ACCSL: variants seen among roughly 807,000 people sequenced by gnomAD.
The protein encoded by ACCSL is probable inactive 1-aminocyclopropane-1-carboxylate synthase-like protein 2.
A neutral mutation model predicts 61.7 loss-of-function variants in ACCSL; 55 were observed. The ratio of observed to expected loss-of-function variants is 0.89; its 90% confidence interval spans 0.72 to 1.12. The LOEUF (loss-of-function observed/expected upper bound fraction) is 1.12, where lower values mean the gene tolerates loss of function less well. Among genes scored for constraint, ACCSL ranks in the 50% most tolerant of loss-of-function variants. The probability of loss-of-function intolerance (pLI) is 0.00; values close to 1 mark genes in which losing one functional copy is unlikely to be tolerated. For synonymous variants in ACCSL, 258 were observed against 264.3 expected (o/e 0.98, Z 0.23); for missense variants, 632 against 698.0 (o/e 0.91, Z 1.07).
chr11:43,924,288 C>T, the ACCSL span, among the ~76,000 whole-genome samples: 1 of 152,232 alleles, frequency 6.6e-6, no homozygotes, highest in Admixed American at 6.5e-5. Context: ...GAGGGCTAGC[C>T]CAGCCGTGCC....
the ACCSL span, among the ~76,000 whole-genome samples, chr11:43,996,664 T>C: frequency 6.6e-6 from 1 of 152,054 alleles, no homozygotes; most frequent in Non-Finnish European, 1.5e-5. Context: ...GCAGGTTCTC[T>C]CTCCCAGAGG....
At chr11:44,014,813 T>C in the ACCSL span, among the ~76,000 whole-genome samples, 1 of 152,140 alleles carries the variant, frequency 6.6e-6, no homozygotes, top group Non-Finnish European at 1.5e-5. Context: ...AGAGGCACCG[T>C]GGAGAGACAC....
chr11:44,038,667 T>C, the ACCSL span, among the ~76,000 whole-genome samples: 1 of 151,750 alleles, frequency 6.6e-6, no homozygotes, highest in Non-Finnish European at 1.5e-5. Flanking sequence ...GGGAGCTAGA[T>C]GTGACTGATT....
chr11:44,058,710 C>G lies in ACCSL; in HGVS notation c.1624+11C>G, dbSNP rs1327170222. ...CCCGGCTAAAATTGGGTGAGTGGAG[C>G]TGACCTCCCAATCCTTTAAAGACGC... On this transcript the variant is annotated intron_variant, in intron 13 of 13. Transcript: ENST00000378832. 2 of 1,604,584 alleles carry G rather than the reference C, an allele frequency of 1.2e-6. No individual in the cohort carries two copies. Among genetic ancestry groups the G allele is most frequent in the East Asian group, 4.5e-5 (2 of 44,690 alleles).
At chr11:43,962,736 A>G in the ACCSL span, among the ~76,000 whole-genome samples, 1 of 152,266 alleles carries the variant, frequency 6.6e-6, no homozygotes, top group Non-Finnish European at 1.5e-5. Flanking sequence ...TATGTAAGAA[A>G]ATAGCATCCT....
chr11:44,057,161 C>A (rs1184110765), intron 11 of ACCSL, among the ~76,000 whole-genome samples: 2 of 152,182 alleles, frequency 1.3e-5, no homozygotes, highest in Non-Finnish European at 2.9e-5. Context: ...TTGCTTGGAT[C>A]TCAAGTGAAT....
chr11:43,973,910 A>C, the ACCSL span: 4 of 152,186 alleles, frequency 2.6e-5, no homozygotes, highest in Non-Finnish European at 5.9e-5. Flanking sequence ...TTATAACATG[A>C]GGAATTTGGA....
At chr11:43,966,851 A>T in the ACCSL span, among the ~76,000 whole-genome samples, 8 of 152,136 alleles carry the variant, frequency 5.3e-5, no homozygotes, top group Admixed American at 5.2e-4. Flanking sequence ...TTTTAGTTAG[A>T]TTCACATCTT....
chr11:44,026,733 A>G, the ACCSL span, among the ~76,000 whole-genome samples: 1 of 151,770 alleles, frequency 6.6e-6, no homozygotes, highest in Non-Finnish European at 1.5e-5. Flanking sequence ...TATCTAGACT[A>G]ATTTTTTTTT....
chr11:43,964,808 A>G, the ACCSL span, among the ~76,000 whole-genome samples: 1 of 150,352 alleles, frequency 6.7e-6, no homozygotes, highest in Non-Finnish European at 1.5e-5. Flanking sequence ...CAACCAAGGT[A>G]ATACACCACG....
chr11:43,951,713 A>G, the ACCSL span, among the ~76,000 whole-genome samples: 2 of 152,250 alleles, frequency 1.3e-5, no homozygotes, highest in Non-Finnish European at 2.9e-5. Context: ...TTATTAAATT[A>G]CATTGTAGGG....
chr11:43,988,993 G>A, the ACCSL span, among the ~76,000 whole-genome samples: 5 of 152,046 alleles, frequency 3.3e-5, no homozygotes, highest in African/African-American at 1.2e-4. Context: ...GTGTGACAGT[G>A]CGAAAGATTG....
the ACCSL span, chr11:43,974,209 C>T: frequency 6.6e-6 from 1 of 152,220 alleles, no homozygotes; most frequent in Non-Finnish European, 1.5e-5. Context: ...TGGTAGCCAG[C>T]TATATTCATG....
rs368534391 is a variant in ACCSL at position 44,059,938 on chromosome 11, C to A, written c.*18C>A. On this transcript the variant is annotated 3_prime_UTR_variant, in exon 14 of 14. Coordinates refer to ENST00000378832, the MANE Select transcript of ACCSL (RefSeq NM_001031854.2). ...GGGAGTAGGCCGTCTGCCTCCCAAC[C>A]AGCAGTTCCAGCCCATCACTTGCTC... 3 of 1,610,422 alleles carry A rather than the reference C, an allele frequency of 1.9e-6. No homozygotes were observed. Among genetic ancestry groups the A allele is most frequent in the East Asian group, 2.2e-5 (1 of 44,770 alleles).
chr11:43,979,731 C>T, the ACCSL span, among the ~76,000 whole-genome samples: 1 of 151,498 alleles, frequency 6.6e-6, no homozygotes, highest in Non-Finnish European at 1.5e-5. Flanking sequence ...CCTGTAGTCC[C>T]AGCTACTCGA....
the ACCSL span, among the ~76,000 whole-genome samples, chr11:43,946,425 A>C: frequency 6.6e-6 from 1 of 152,116 alleles, no homozygotes. Context: ...TTATTCTTGT[A>C]ATTTTTTATT....
chr11:43,933,851 C>T, the ACCSL span, among the ~76,000 whole-genome samples: 1,015 of 152,254 alleles, frequency 6.7e-3, 6 homozygotes, highest in Middle Eastern at 0.014. Flanking sequence ...TTCCCTGGGA[C>T]TCATCCTGGG....
chr11:43,964,142 G>A, the ACCSL span, among the ~76,000 whole-genome samples: 3 of 152,032 alleles, frequency 2.0e-5, no homozygotes, highest in Non-Finnish European at 4.4e-5. Context: ...AACTTCCCGT[G>A]AAAGAAAAGC....
chr11:44,000,425 CCTGTCTCTATTTTAAAAAAA>C, the ACCSL span, among the ~76,000 whole-genome samples: 1 of 139,794 alleles, frequency 7.2e-6, no homozygotes, highest in Non-Finnish European at 1.6e-5. Flanking sequence ...CACCTGGCCC[CCTGTCTCTATTTTAAAAAAA>C]AAAAGCCTGT....
Sources: gnomAD v4.1 joint callset for allele counts (sites outside exome capture counted in the v4.1 genomes callset) on GRCh38, gnomAD v4.1.1 for gene constraint, MANE v1.5 for transcripts, NCBI Gene and HGNC (gene_info 2026-07-23, HGNC 2026-07-21) for gene names.